DCC: variants seen among roughly 807,000 people sequenced by gnomAD.
DCC encodes DCC netrin 1 receptor.
In DCC, 58 loss-of-function variants were observed where a neutral mutation model predicts 172.5. The observed-to-expected ratio is 0.34, with a 90% CI of 0.27 to 0.42. The LOEUF (loss-of-function observed/expected upper bound fraction) is 0.42. Ranked by LOEUF, DCC falls within the 10% of genes least tolerant of loss-of-function variation. DCC has a pLI of 1.00. For missense variants in DCC, 1,740 were observed against 1,791.0 expected (o/e 0.97, Z 0.51); for synonymous variants, 709 against 644.5 (o/e 1.10, Z -1.52).
intron 21 of DCC, among the ~76,000 whole-genome samples, chr18:53,431,277 GC>G (rs35035539): frequency 0.48 from 62,252 of 129,348 alleles, 14,376 homozygotes; most frequent in Non-Finnish European, 0.6. Flanking sequence ...TTTGGCAGAA[GC>G]TTTTTTTTTT....
chr18:53,460,280 T>TG (rs1179133323), intron 24 of DCC, among the ~76,000 whole-genome samples: 1,705 of 109,092 alleles, frequency 0.016, 41 homozygotes, highest in African/African-American at 0.052. Flanking sequence ...TCCTGTTTTT[T>TG]TTTTTTTTTT....
At chr18:53,415,921 C>CA (rs1910287694) in intron 20 of DCC, among the ~76,000 whole-genome samples, 1 of 151,876 alleles carries the variant, frequency 6.6e-6, no homozygotes, top group Non-Finnish European at 1.5e-5. Context: ...ATTTGTACAG[C>CA]AAAAACATTA....
At chr18:52,364,831 T>C (rs181885138) in intron 1 of DCC, among the ~76,000 whole-genome samples, 1 of 152,318 alleles carries the variant, frequency 6.6e-6, no homozygotes, top group Admixed American at 6.5e-5. Context: ...GCCATTGTCT[T>C]TCATGAGCAA....
intron 7 of DCC, among the ~76,000 whole-genome samples, chr18:53,115,385 G>C (rs978551644): frequency 6.6e-6 from 1 of 151,478 alleles, no homozygotes; most frequent in African/African-American, 2.4e-5. Context: ...GTTTTACCTA[G>C]CATATTAAAG....
At chr18:53,116,588 G>A (rs538064679) in intron 7 of DCC, among the ~76,000 whole-genome samples, 3 of 151,792 alleles carry the variant, frequency 2.0e-5, no homozygotes, top group Non-Finnish European at 4.4e-5. Context: ...TTGTTACACA[G>A]TTGCAGCTAT....
At chr18:52,559,452 T>C (rs944207088) in intron 1 of DCC, among the ~76,000 whole-genome samples, 3 of 152,192 alleles carry the variant, frequency 2.0e-5, no homozygotes, top group African/African-American at 4.8e-5. Context: ...TCTCTATTAA[T>C]TTATCTCCTG....
intron 7 of DCC, among the ~76,000 whole-genome samples, chr18:53,135,855 C>A (rs1380317382): frequency 6.6e-6 from 1 of 152,178 alleles, no homozygotes; most frequent in Non-Finnish European, 1.5e-5. Flanking sequence ...TTGATTATGA[C>A]AGGTGTCACC....
chr18:52,379,355 C>A (rs1985490044), intron 1 of DCC, among the ~76,000 whole-genome samples: 1 of 152,010 alleles, frequency 6.6e-6, no homozygotes, highest in African/African-American at 2.4e-5. Context: ...ATTTTAAATC[C>A]AGGCTCTTCT....
intron 1 of DCC, among the ~76,000 whole-genome samples, chr18:52,344,114 G>A (rs1449273810): frequency 1.3e-5 from 2 of 152,182 alleles, no homozygotes; most frequent in African/African-American, 2.4e-5. Flanking sequence ...ATTTTTTTCT[G>A]GGGAGAGATT....
chr18:52,945,080 C>T (rs1157781762), intron 5 of DCC, among the ~76,000 whole-genome samples: 1 of 152,070 alleles, frequency 6.6e-6, no homozygotes, highest in African/African-American at 2.4e-5. Context: ...TGTGACATGC[C>T]ATTTATAAAT....
intron 1 of DCC, among the ~76,000 whole-genome samples, chr18:52,498,619 G>A (rs916747513): frequency 6.6e-6 from 1 of 151,920 alleles, no homozygotes; most frequent in East Asian, 1.9e-4. Flanking sequence ...GCGAGACTCT[G>A]TCTCAAAAAA....
chr18:52,790,599 C>A (rs28776175), intron 2 of DCC, among the ~76,000 whole-genome samples: 6,556 of 152,172 alleles, frequency 0.043, 219 homozygotes, highest in South Asian at 0.16. Context: ...CCATTTTATA[C>A]CGTAAAAGAA....
At chr18:53,527,571 A>G (rs6508235) in intron 28 of DCC, among the ~76,000 whole-genome samples, 53,055 of 151,736 alleles carry the variant, frequency 0.35, 9,870 homozygotes, top group East Asian at 0.54. Context: ...GACGTAATTA[A>G]AAAATAAGAA....
At chr18:53,074,996 G>A (rs557389530) in intron 7 of DCC, among the ~76,000 whole-genome samples, 138 of 152,288 alleles carry the variant, frequency 9.1e-4, no homozygotes, top group South Asian at 6.2e-3. Context: ...ACAAATGTTA[G>A]CTATTATGAA....
intron 7 of DCC, among the ~76,000 whole-genome samples, chr18:53,100,121 A>G (rs750759273): frequency 2.0e-5 from 3 of 151,176 alleles, no homozygotes; most frequent in Non-Finnish European, 2.9e-5. Flanking sequence ...TAATTTTTGT[A>G]TTATTAGTAG....
intron 15 of DCC, among the ~76,000 whole-genome samples, chr18:53,383,735 A>C (rs1403733187): frequency 6.6e-6 from 1 of 151,696 alleles, no homozygotes; most frequent in Admixed American, 6.6e-5. Context: ...TTTGAGTTCA[A>C]ACTTATTTTT....
intron 1 of DCC, among the ~76,000 whole-genome samples, chr18:52,633,916 T>C (rs2034723771): frequency 6.6e-6 from 1 of 152,166 alleles, no homozygotes; most frequent in African/African-American, 2.4e-5. Context: ...CCCCTGATTC[T>C]CAGGAGGAAT....
intron 5 of DCC, among the ~76,000 whole-genome samples, chr18:52,962,649 T>C (rs1291838742): frequency 6.6e-6 from 1 of 151,868 alleles, no homozygotes; most frequent in Non-Finnish European, 1.5e-5. Context: ...TAAAGACACA[T>C]GCACATGTAT....
chr18:52,572,461 G>A (rs1386788790), intron 1 of DCC, among the ~76,000 whole-genome samples: 1 of 152,168 alleles, frequency 6.6e-6, no homozygotes, highest in Non-Finnish European at 1.5e-5. Context: ...GACAGCTGAA[G>A]CATGTTTCCT....
Sources: allele counts gnomAD v4.1 joint callset (sites outside exome capture counted in the v4.1 genomes callset), GRCh38; gene constraint gnomAD v4.1.1; transcripts MANE v1.5; gene names NCBI Gene and HGNC (gene_info 2026-07-23, HGNC 2026-07-21).